Variants in RIC1 observed in about 807,000 individuals in gnomAD.
RIC1 encodes the protein guanine nucleotide exchange factor subunit RIC1.
Under a neutral mutation model 169.0 loss-of-function variants are expected in RIC1, and 88 were observed. The ratio of observed to expected loss-of-function variants is 0.52; its 90% confidence interval spans 0.44 to 0.62. The LOEUF (loss-of-function observed/expected upper bound fraction) is 0.62, where lower values mean the gene tolerates loss of function less well. Ranked by LOEUF, RIC1 falls within the 20% of genes least tolerant of loss-of-function variation. The probability of loss-of-function intolerance (pLI) is 0.00; values close to 1 mark genes in which losing one functional copy is unlikely to be tolerated. For missense variants in RIC1, 1,877 were observed against 1,725.5 expected, an observed-to-expected ratio of 1.09 and a Z score of -1.56; for synonymous variants, 790 against 601.5, an observed-to-expected ratio of 1.31 and a Z score of -4.59.
intron 15 of RIC1, among the ~76,000 whole-genome samples, chr9:5,755,476 G>C (rs1437547987): frequency 1.3e-5 from 2 of 152,178 alleles, no homozygotes; most frequent in African/African-American, 4.8e-5. Context: ...TGGTCTCTCA[G>C]AATATCTTAG....
chr9:5,674,347 T>C (rs1436058172), intron 2 of RIC1, among the ~76,000 whole-genome samples: 1 of 152,180 alleles, frequency 6.6e-6, no homozygotes, highest in African/African-American at 2.4e-5. Flanking sequence ...ATGTTTTAAA[T>C]AGCCCAAGTA....
chr9:5,668,503 C>G (rs951546562), intron 2 of RIC1, among the ~76,000 whole-genome samples: 7 of 152,194 alleles, frequency 4.6e-5, no homozygotes, highest in Non-Finnish European at 8.8e-5. Flanking sequence ...CTCCATACTT[C>G]TATTCCTATA....
chr9:5,754,086 C>A (rs1273283368), intron 14 of RIC1, among the ~76,000 whole-genome samples: 1 of 152,086 alleles, frequency 6.6e-6, no homozygotes, highest in African/African-American at 2.4e-5. Context: ...GAAATCAGTA[C>A]TTATTAGGTG....
chr9:5,630,409 G>C (rs1252334714), intron 1 of RIC1, among the ~76,000 whole-genome samples: 1 of 152,204 alleles, frequency 6.6e-6, no homozygotes, highest in African/African-American at 2.4e-5. Flanking sequence ...ATTTGACCAT[G>C]TGGGGATAGG....
intron 3 of RIC1, among the ~76,000 whole-genome samples, chr9:5,691,015 T>C (rs998598466): frequency 1.3e-5 from 2 of 151,888 alleles, no homozygotes; most frequent in African/African-American, 2.4e-5. Context: ...AATTAAAGAA[T>C]TATTACTGCT....
rs1319383055 is a variant in RIC1 at position 5,763,947 on chromosome 9, C to A, written c.2841+79C>A. 1.4e-6 allele frequency: 2 copies of A among 1,441,500 alleles called. No individual in the cohort carries two copies. Among genetic ancestry groups the A allele is most frequent in the South Asian group, 1.4e-5 (1 of 70,940 alleles). 89.3% of individuals were successfully genotyped at this position (1,441,500 alleles called of 1,614,324 possible). A position where few individuals can be genotyped will look rare whatever the true frequency, so the allele number is the denominator to read the frequency against. ...AAATAGAAATGTCCTGTTTTGACAC[C>A]ATGATTGTGTTTAAGGAATTCATAG... is the stretch of plus-strand genomic sequence containing the variant. On this transcript the variant is annotated intron_variant, in intron 19 of 25. Transcript: ENST00000414202. The surrounding 1 kb of genome is among the most constrained non-coding windows in gnomAD (Gnocchi z 5.2).
intron 1 of RIC1, among the ~76,000 whole-genome samples, chr9:5,634,924 A>G (rs978650707): frequency 6.6e-6 from 1 of 152,066 alleles, no homozygotes; most frequent in South Asian, 2.1e-4. Flanking sequence ...TGTGGGGTAT[A>G]TGGGATATTT....
At chr9:5,709,805 T>C (rs1252156296) in intron 3 of RIC1, among the ~76,000 whole-genome samples, 1 of 152,194 alleles carries the variant, frequency 6.6e-6, no homozygotes, top group Admixed American at 6.5e-5. Flanking sequence ...GAAGACAGGA[T>C]GGAAACTTTC....
At chr9:5,716,393 T>A (rs972492819) in intron 4 of RIC1, among the ~76,000 whole-genome samples, 2 of 151,978 alleles carry the variant, frequency 1.3e-5, no homozygotes, top group African/African-American at 4.8e-5. Flanking sequence ...GAAGGGCAGA[T>A]CATGAGGTCA....
chr9:5,668,004 T>C (rs557370471), intron 2 of RIC1, among the ~76,000 whole-genome samples: 15 of 152,340 alleles, frequency 9.8e-5, no homozygotes, highest in Admixed American at 3.3e-4. Flanking sequence ...AGAGGTTTAA[T>C]TGACTTACAG....
chr9:5,646,120 A>T (rs1235608090), intron 1 of RIC1, among the ~76,000 whole-genome samples: 1 of 151,954 alleles, frequency 6.6e-6, no homozygotes, highest in Non-Finnish European at 1.5e-5. Flanking sequence ...TTGCCATTCC[A>T]TTGGGTCCAA....
At chr9:5,778,602 A>G (rs1827699896), downstream of RIC1, among the ~76,000 whole-genome samples, 1 of 152,226 alleles carries the variant, frequency 6.6e-6, no homozygotes, top group Non-Finnish European at 1.5e-5. Flanking sequence ...CTTCCATGAT[A>G]AAAACACTCA....
chr9:5,673,880 T>C (rs1038582827), intron 2 of RIC1, among the ~76,000 whole-genome samples: 7 of 152,126 alleles, frequency 4.6e-5, no homozygotes. Context: ...GAATGTTAAG[T>C]TTATACAACA....
intron 8 of RIC1, among the ~76,000 whole-genome samples, chr9:5,742,158 C>G (rs981138640): frequency 6.6e-6 from 1 of 152,248 alleles, no homozygotes; most frequent in South Asian, 2.1e-4. Context: ...TTCTCATTCT[C>G]TCTTATACCA....
At chr9:5,749,346 G>A (rs778024689) in intron 12 of RIC1, among the ~76,000 whole-genome samples, 8 of 152,276 alleles carry the variant, frequency 5.3e-5, no homozygotes, top group South Asian at 4.1e-4. Flanking sequence ...TTATGGTGGC[G>A]GTGTATAGGG....
intron 3 of RIC1, among the ~76,000 whole-genome samples, chr9:5,691,524 T>A (rs1375692363): frequency 6.6e-6 from 1 of 151,970 alleles, no homozygotes; most frequent in Non-Finnish European, 1.5e-5. Context: ...AAATATTTAG[T>A]GCAAAAATTT....
At chr9:5,717,180 A>G (rs1823296775) in intron 4 of RIC1, among the ~76,000 whole-genome samples, 1 of 152,100 alleles carries the variant, frequency 6.6e-6, no homozygotes, top group Admixed American at 6.5e-5. Flanking sequence ...ACATCTGGCC[A>G]GTCATTTGTT....
chr9:5,754,453 G>A (rs183117694), intron 14 of RIC1, among the ~76,000 whole-genome samples: 36 of 152,264 alleles, frequency 2.4e-4, no homozygotes, highest in African/African-American at 7.2e-4. Flanking sequence ...TTGGCTGGGC[G>A]TGTGGTGGCT....
At chr9:5,676,726 A>G (rs954921941) in intron 2 of RIC1, among the ~76,000 whole-genome samples, 1 of 152,196 alleles carries the variant, frequency 6.6e-6, no homozygotes, top group African/African-American at 2.4e-5. Flanking sequence ...ACCTCTCTCA[A>G]AACCAACGAC....
Sources: allele counts gnomAD v4.1 joint callset (sites outside exome capture counted in the v4.1 genomes callset), GRCh38; gene constraint gnomAD v4.1.1; non-coding constraint Gnocchi (gnomAD v3.1); transcripts MANE v1.5; gene names NCBI Gene and HGNC (gene_info 2026-07-23, HGNC 2026-07-21).